The following KANSL1L variants were observed in gnomAD, a reference collection of about 807,000 sequenced individuals.
KANSL1L encodes KAT8 regulatory NSL complex subunit 1 like.
A neutral mutation model predicts 108.6 loss-of-function variants in KANSL1L; 25 were observed. The ratio of observed to expected loss-of-function variants is 0.23; its 90% CI spans 0.17 to 0.32. The LOEUF (loss-of-function observed/expected upper bound fraction) is 0.32. Ranked by LOEUF, KANSL1L falls within the 10% of genes least tolerant of loss-of-function variation. The probability of loss-of-function intolerance (pLI) is 1.00; values close to 1 mark genes in which losing one functional copy is unlikely to be tolerated. For missense variants in KANSL1L, 1,137 were observed against 1,125.7 expected (o/e 1.01, Z -0.14); for synonymous variants, 405 against 395.1 (o/e 1.03, Z -0.30).
intron 6 of KANSL1L, among the ~76,000 whole-genome samples, chr2:210,049,569 A>T (rs879333794): frequency 2.6e-4 from 40 of 152,206 alleles, no homozygotes; most frequent in Admixed American, 1.8e-3. Flanking sequence ...TTGAGTCCAA[A>T]GTGGGCAACA....
chr2:210,129,115 C>A lies in KANSL1L; in HGVS notation c.1146G>T (p.Trp382Cys). The A allele has an allele frequency of 6.2e-7, 1 of 1,613,824 alleles. No individual in the cohort carries two copies. Among genetic ancestry groups the A allele is most frequent in the Non-Finnish European group, 8.5e-7 (1 of 1,179,762 alleles). ...LVDRARVGSR[W>C]TWLQAQISDL... The stretch of plus-strand genomic sequence containing the variant: ...CTGAAATCTGAGCTTGAAGCCAAGT[C>A]CATCGGCTGCCAACTCGTGCTCTGT... Residue 382 changes from tryptophan to cysteine, a missense_variant, in exon 3 of 15, where the codon TGG (tryptophan) becomes TGT (cysteine). Trp to Cys is a radical substitution (Grantham distance 215). Transcript: ENST00000281772.
chr2:210,064,868 C>G, intron 6 of KANSL1L, among the ~76,000 whole-genome samples: 1 of 150,740 alleles, frequency 6.6e-6, no homozygotes, highest in East Asian at 1.9e-4. Context: ...GTAACACTTC[C>G]TTACAAAAAA....
chr2:210,029,671 C>A, intron 10 of KANSL1L, 132 bp downstream of exon 10: 1 of 460,460 alleles, frequency 2.2e-6, no homozygotes, highest in Non-Finnish European at 3.8e-6. Context: ...TGTTTTCTAA[C>A]AAGATAGTTA....
At chr2:210,105,269 A>C (rs983524007) in intron 3 of KANSL1L, among the ~76,000 whole-genome samples, 39 of 149,468 alleles carry the variant, frequency 2.6e-4, no homozygotes, top group African/African-American at 9.3e-4. Context: ...TATATATTAC[A>C]CATACACAGA....
intron 1 of KANSL1L, among the ~76,000 whole-genome samples, chr2:210,159,775 G>C (rs1319169167): frequency 6.6e-6 from 1 of 152,200 alleles, no homozygotes; most frequent in Non-Finnish European, 1.5e-5. Flanking sequence ...CAACAGGCCG[G>C]GCGCGGTGGC....
intron 5 of KANSL1L, chr2:210,097,303 TAGAA>T: frequency 5.2e-6 from 4 of 775,884 alleles, no homozygotes; most frequent in Non-Finnish European, 6.3e-6. Flanking sequence ...TATGCTATAT[TAGAA>T]AGTTATTAAA....
rs2094198760 is a variant in KANSL1L at position 210,044,167 on chromosome 2, A to T, written c.1756-63T>A. On this transcript the variant is annotated intron_variant, in intron 6 of 14. Transcript: ENST00000281772. This position sits in a 1 kb window ranked among gnomAD's most constrained non-coding sequence, Gnocchi z 4.2. Reference sequence around the variant, plus strand: ...GCATCCATAAATGGCATATCTCTACATTTATTTAGGTTATCTTTAAATAAA... The same window carrying T: ...GCATCCATAAATGGCATATCTCTACTTTTATTTAGGTTATCTTTAAATAAA... 1 of 1,124,138 alleles carries T rather than the reference A, an allele frequency of 8.9e-7. No individual in the cohort carries two copies. The highest frequency in any genetic ancestry group is 1.6e-5 in the African/African-American group (1 of 62,380). The allele number at this position is 1,124,138 out of a possible 1,614,324, so 69.6% of individuals were successfully genotyped here.
chr2:210,088,268 A>C (rs1285643854), intron 5 of KANSL1L: 1 of 152,400 alleles, frequency 6.6e-6, no homozygotes, highest in African/African-American at 2.4e-5. Context: ...TAAGGAGAAG[A>C]AGCCTGAAGG....
rs2095178267 is a variant in KANSL1L, at chr2:210,136,848, C to A, written c.1089-7676G>T. On this transcript the variant is annotated intron_variant, in intron 2 of 14. Transcript: ENST00000281772. ...AAAATGACTACCACTAAGCCAGAAT[C>A]AAGTACAGGCATTCCTGCTCTAACA... Among the ~76,000 whole-genome samples, 5 of 152,178 alleles carry A rather than the reference C, an allele frequency of 3.3e-5. No homozygotes were observed. In the South Asian group the frequency reaches 1.0e-3, roughly 31 times the overall value.
chr2:210,150,600 T>C (rs2095295923), intron 2 of KANSL1L, among the ~76,000 whole-genome samples: 1 of 152,062 alleles, frequency 6.6e-6, no homozygotes, highest in South Asian at 2.1e-4. Context: ...TTGACCAACA[T>C]GGAGAAACCC....
intron 6 of KANSL1L, among the ~76,000 whole-genome samples, chr2:210,064,852 A>C (rs1468723890): frequency 6.6e-6 from 1 of 151,694 alleles, no homozygotes. Flanking sequence ...AGGAAAAAAA[A>C]TTAGTGTAAC....
chr2:210,142,786 C>A (rs989205146), intron 2 of KANSL1L, among the ~76,000 whole-genome samples: 5 of 151,964 alleles, frequency 3.3e-5, no homozygotes, highest in African/African-American at 1.2e-4. Flanking sequence ...TTACTGATTT[C>A]TAATTTCATA....
intron 2 of KANSL1L, among the ~76,000 whole-genome samples, chr2:210,133,158 C>A (rs185516768): frequency 3.3e-5 from 5 of 151,938 alleles, no homozygotes; most frequent in African/African-American, 4.8e-5. Context: ...CCAAAATCTG[C>A]GGAAATGGTC....
intron 3 of KANSL1L, among the ~76,000 whole-genome samples, chr2:210,113,473 T>C (rs934805367): frequency 6.6e-6 from 1 of 151,858 alleles, no homozygotes; most frequent in Non-Finnish European, 1.5e-5. Flanking sequence ...GGAAAGAATC[T>C]GATTTCCATT....
chr2:210,026,139 A>G (rs1399537890), intron 12 of KANSL1L, among the ~76,000 whole-genome samples: 2 of 152,220 alleles, frequency 1.3e-5, no homozygotes, highest in Non-Finnish European at 1.5e-5. Context: ...TTTCTTGGCT[A>G]GGATCATTCA....
intron 3 of KANSL1L, among the ~76,000 whole-genome samples, chr2:210,111,329 T>C (rs1451903117): frequency 6.6e-6 from 1 of 152,112 alleles, no homozygotes; most frequent in Non-Finnish European, 1.5e-5. Flanking sequence ...AAATTACTTA[T>C]ATATACAGCA....
At chr2:210,100,832 C>T (rs1198905650) in intron 4 of KANSL1L, among the ~76,000 whole-genome samples, 1 of 152,052 alleles carries the variant, frequency 6.6e-6, no homozygotes, top group Non-Finnish European at 1.5e-5. Context: ...GAGACAGGGT[C>T]TCCCTGTGTT....
At chr2:210,092,415 C>G (rs1475415524) in intron 5 of KANSL1L, among the ~76,000 whole-genome samples, 1 of 152,178 alleles carries the variant, frequency 6.6e-6, no homozygotes, top group Non-Finnish European at 1.5e-5. Context: ...GTCACACATT[C>G]TCTCTTCAAC....
At chr2:210,148,124 T>C (rs2095278246) in intron 2 of KANSL1L, among the ~76,000 whole-genome samples, 1 of 152,180 alleles carries the variant, frequency 6.6e-6, no homozygotes, top group Non-Finnish European at 1.5e-5. Context: ...TGCTGACCAA[T>C]TTAGGGAAAT....
Sources: gnomAD v4.1 joint callset for allele counts (sites outside exome capture counted in the v4.1 genomes callset) on GRCh38, gnomAD v4.1.1 for gene constraint, Gnocchi (gnomAD v3.1) non-coding constraint, MANE v1.5 for transcripts, NCBI Gene and HGNC (gene_info 2026-07-23, HGNC 2026-07-21) for gene names.